DDR2: variants seen among roughly 807,000 people sequenced by gnomAD.
DDR2 encodes the protein discoidin domain-containing receptor 2.
In DDR2, 27 loss-of-function variants were observed where a neutral mutation model predicts 94.9. The observed-to-expected ratio is 0.28, with a 90% CI of 0.21 to 0.39. The LOEUF (loss-of-function observed/expected upper bound fraction) is 0.39. Ranked by LOEUF, DDR2 falls within the 10% of genes least tolerant of loss-of-function variation. The probability of loss-of-function intolerance (pLI) is 1.00; values close to 1 mark genes in which losing one functional copy is unlikely to be tolerated. For missense variants in DDR2, 783 were observed against 1,076.0 expected, an observed-to-expected ratio of 0.73 and a Z score of 3.81; for synonymous variants, 382 against 377.2, an observed-to-expected ratio of 1.01 and a Z score of -0.15.
chr1:162,761,099 G>C, intron 8 of DDR2, 112 bp from the exon 9 acceptor site: 1 of 1,493,178 alleles, frequency 6.7e-7, no homozygotes, highest in South Asian at 1.2e-5. Flanking sequence ...TCTTACCTCA[G>C]TTCAGAATAG....
chr1:162,771,896 G>A (rs961680880), intron 12 of DDR2, 128 bp from the exon 13 acceptor site: 10 of 963,348 alleles, frequency 1.0e-5, no homozygotes, highest in African/African-American at 1.6e-5. Context: ...CATTTTCCAA[G>A]TAAGAATGTC....
intron 2 of DDR2, among the ~76,000 whole-genome samples, chr1:162,718,822 C>T (rs1302824931): frequency 2.0e-5 from 3 of 152,150 alleles, no homozygotes; most frequent in Non-Finnish European, 4.4e-5. Context: ...CATGAGTGTG[C>T]AATCTGATAG....
At position 162,671,684 on chromosome 1, in the gene DDR2, G is replaced by A. The variant is rs190199004; in HGVS notation, c.-28+16310G>A. Among the ~76,000 whole-genome samples, 230 of 152,194 alleles carry A rather than the reference G, an allele frequency of 1.5e-3. 2 individuals are homozygous for A. The highest frequency in any genetic ancestry group is 5.4e-3 in the African/African-American group (223 of 41,528). On this transcript the variant is annotated intron_variant, in intron 2 of 17. Coordinates refer to ENST00000367921, the MANE Select transcript of DDR2 (RefSeq NM_006182.4). Reference sequence around the variant, plus strand: ...TAGCCTTTCTAGCCCAATAAATTAAGCTCTTGTCTGGAATCTCTAGCTCCC... The same window carrying A: ...TAGCCTTTCTAGCCCAATAAATTAAACTCTTGTCTGGAATCTCTAGCTCCC...
rs907501157 is a variant in DDR2 at position 162,761,204 on chromosome 1, C to T, written c.856-7C>T. 5.6e-6 allele frequency: 9 copies of T among 1,613,932 alleles called. No homozygotes were observed. The highest frequency in any genetic ancestry group is 1.7e-5 in the Admixed American group (1 of 60,000). ...ACCTATCACTCACATGCCTCTTTCT[C>T]TACCAGGTCCACTGCAACAACATGT... On this transcript the variant is annotated splice_region_variant and splice_polypyrimidine_tract_variant and intron_variant, in intron 8 of 17. Transcript: ENST00000367921.
At chr1:162,670,892 G>C (rs989194926) in intron 2 of DDR2, among the ~76,000 whole-genome samples, 1 of 152,234 alleles carries the variant, frequency 6.6e-6, no homozygotes, top group African/African-American at 2.4e-5. Flanking sequence ...TCTGGTACAA[G>C]TGGTGGGAGG....
At chr1:162,673,254 G>GT in intron 2 of DDR2, among the ~76,000 whole-genome samples, 1 of 152,256 alleles carries the variant, frequency 6.6e-6, no homozygotes, top group African/African-American at 2.4e-5. Context: ...CAAAGGTGGG[G>GT]CCCCAGTTCA....
At chr1:162,710,093 C>T (rs1660829764) in intron 2 of DDR2, among the ~76,000 whole-genome samples, 2 of 152,184 alleles carry the variant, frequency 1.3e-5, no homozygotes, top group South Asian at 4.1e-4. Flanking sequence ...CTATAATAGT[C>T]ATGTGACTCA....
At chr1:162,770,068 C>T (rs1232559830) in intron 11 of DDR2, among the ~76,000 whole-genome samples, 2 of 151,848 alleles carry the variant, frequency 1.3e-5, no homozygotes, top group East Asian at 1.9e-4. Context: ...TCAGAAAGCA[C>T]ATCATAGAAA....
intron 14 of DDR2, 29 bp from the exon 15 acceptor site, chr1:162,775,623 G>A: frequency 6.2e-7 from 1 of 1,612,674 alleles, no homozygotes; most frequent in Non-Finnish European, 8.5e-7. Context: ...GGCAACTTCT[G>A]AGTTTATCTA....
At chr1:162,631,006 A>G (rs1164133999), upstream of DDR2, among the ~76,000 whole-genome samples, 2 of 151,960 alleles carry the variant, frequency 1.3e-5, no homozygotes, top group Non-Finnish European at 2.9e-5. Context: ...GCCTTTAATC[A>G]TTTCCATGGC....
intron 2 of DDR2, among the ~76,000 whole-genome samples, chr1:162,661,756 T>C (rs1658305470): frequency 6.6e-6 from 1 of 152,218 alleles, no homozygotes; most frequent in Non-Finnish European, 1.5e-5. Flanking sequence ...TTGGTTTTCT[T>C]TCCAGAACCA....
rs1007907055 is a variant in DDR2 at position 162,781,560 on chromosome 1, T to C, written c.*1314T>C. ...GATGGTGGTATGAGACAATGTTTAA[T>C]GTCCTTCTAACTCCGAGAGTCCTTG... On this transcript the variant is annotated 3_prime_UTR_variant, in exon 18 of 18. Transcript: ENST00000367921. The C allele has an allele frequency of 6.6e-6, 1 of 152,280 alleles. No homozygotes were observed. The highest frequency in any genetic ancestry group is 2.4e-5 in the African/African-American group (1 of 41,456). 9.4% of individuals were successfully genotyped at this position (152,280 alleles called of 1,614,324 possible). A position where few individuals can be genotyped will look rare whatever the true frequency, so the allele number is the denominator to read the frequency against.
At position 162,772,152 on chromosome 1, in the gene DDR2, A is replaced by G; in HGVS notation, c.1633A>G (p.Met545Val). The change falls in exon 13 of 18, where the codon ATG (methionine) becomes GTG (valine). Residue 545 changes from methionine (M) to valine (V), a missense_variant. Met to Val is a conservative substitution (Grantham distance 21). This residue lies in a region of DDR2 where 264 missense variants were observed against 428.2 expected (regional missense o/e 0.62). Transcript: ENST00000367921. ...CACATACTCAGTGCCTGCCGTCACCATGGACCTGCTCTCAGGAAAAGATGT... is the reference window on the plus strand; with the variant it reads ...CACATACTCAGTGCCTGCCGTCACCGTGGACCTGCTCTCAGGAAAAGATGT... ...GNTYSVPAVT[M>V]DLLSGKDVAV... is the part of the protein sequence containing the mutation. 1 of 1,614,246 alleles carries G rather than the reference A, an allele frequency of 6.2e-7. No individual in the cohort carries two copies.
chr1:162,755,899 A>T (rs1374022586), intron 7 of DDR2, 130 bp downstream of exon 7: 1 of 833,278 alleles, frequency 1.2e-6, no homozygotes, highest in Non-Finnish European at 1.9e-6. Flanking sequence ...GGCATTTGGA[A>T]ATAATTTAGA....
intron 3 of DDR2, among the ~76,000 whole-genome samples, chr1:162,732,781 C>T (rs1305636068): frequency 2.6e-5 from 4 of 152,216 alleles, no homozygotes; most frequent in South Asian, 2.1e-4. Context: ...CACTCATTGA[C>T]GGGGAGCCCG....
chr1:162,653,502 G>A (rs1025185137), intron 1 of DDR2, among the ~76,000 whole-genome samples: 1 of 151,878 alleles, frequency 6.6e-6, no homozygotes, highest in African/African-American at 2.4e-5. Flanking sequence ...GCTTGAACCC[G>A]AGAGGCGGAG....
intron 3 of DDR2, among the ~76,000 whole-genome samples, chr1:162,748,030 C>T (rs939870483): frequency 2.0e-5 from 3 of 152,216 alleles, no homozygotes; most frequent in African/African-American, 7.2e-5. Flanking sequence ...AAACCAGTAT[C>T]AGCCACTGCA....
intron 6 of DDR2, 81 bp from the exon 7 acceptor site, chr1:162,755,583 T>C: frequency 1.5e-6 from 2 of 1,357,892 alleles, no homozygotes; most frequent in Non-Finnish European, 1.1e-6. Context: ...CTGTGCAAGC[T>C]TATACCCTTG....
At chr1:162,739,498 G>A (rs999699890) in intron 3 of DDR2, among the ~76,000 whole-genome samples, 1 of 151,852 alleles carries the variant, frequency 6.6e-6, no homozygotes, top group Admixed American at 6.6e-5. Context: ...ATGGAGACAG[G>A]GTTTTACCAT....
Sources: gnomAD v4.1 joint callset for allele counts (sites outside exome capture counted in the v4.1 genomes callset) on GRCh38, gnomAD v4.1.1 for gene constraint, gnomAD v4.1.1 regional missense constraint, MANE v1.5 for transcripts, NCBI Gene and HGNC (gene_info 2026-07-23, HGNC 2026-07-21) for gene names.